The following WDFY4 variants were observed in gnomAD, a reference collection of about 807,000 sequenced individuals.
WDFY4 encodes the protein WDFY family member 4, also known as WD repeat- and FYVE domain-containing protein 4.
Under a neutral mutation model 351.9 loss-of-function variants are expected in WDFY4, and 169 were observed. That is an observed-to-expected ratio of 0.48 (90% CI 0.42 to 0.55). WDFY4 has a LOEUF of 0.55. Ranked by LOEUF, WDFY4 falls within the 20% of genes least tolerant of loss-of-function variation. The pLI is 0.00. For synonymous variants in WDFY4, 1,622 were observed against 1,574.6 expected (o/e 1.03, Z -0.71); for missense variants, 3,803 against 3,935.6 (o/e 0.97, Z 0.90).
chr10:48,893,665 T>C (rs779373211), intron 44 of WDFY4, among the ~76,000 whole-genome samples: 9 of 152,220 alleles, frequency 5.9e-5, no homozygotes, highest in Non-Finnish European at 1.3e-4. Context: ...GTTTACAATC[T>C]AGTGAATGTT....
chr10:48,718,572 C>T (rs138635389), intron 2 of WDFY4, among the ~76,000 whole-genome samples: 54 of 152,306 alleles, frequency 3.5e-4, no homozygotes, highest in Non-Finnish European at 4.9e-4. Context: ...GTGGAGGCCA[C>T]GGATGCCCGG....
chr10:48,942,621 G>A (rs939566528), intron 48 of WDFY4, among the ~76,000 whole-genome samples: 5 of 152,188 alleles, frequency 3.3e-5, no homozygotes, highest in Admixed American at 2.6e-4. Flanking sequence ...GTAGAGATTC[G>A]GGGACAATGA....
intron 53 of WDFY4, among the ~76,000 whole-genome samples, chr10:48,961,074 G>A (rs1156378924): frequency 6.6e-6 from 1 of 152,224 alleles, no homozygotes; most frequent in African/African-American, 2.4e-5. Context: ...TTTATTGTAT[G>A]TAAATTACAC....
intron 47 of WDFY4, among the ~76,000 whole-genome samples, chr10:48,904,697 G>A (rs1274875361): frequency 3.3e-5 from 5 of 151,922 alleles, no homozygotes; most frequent in South Asian, 2.1e-4. Context: ...GCTCTATCCC[G>A]GTAACTTTAG....
chr10:48,850,434 CA>C (rs2068919577), intron 39 of WDFY4, among the ~76,000 whole-genome samples: 1 of 152,094 alleles, frequency 6.6e-6, no homozygotes, highest in Non-Finnish European at 1.5e-5. Context: ...TCTTTTTGTT[CA>C]AATGGTTCCA....
chr10:48,961,676 T>A (rs1195002358), intron 53 of WDFY4, among the ~76,000 whole-genome samples: 1 of 152,112 alleles, frequency 6.6e-6, no homozygotes, highest in Non-Finnish European at 1.5e-5. Context: ...TCACTGAGGA[T>A]GATGGCAGAT....
Position 48,820,226 on chromosome 10 carries a change from T to A in WDFY4, c.5506-8T>A. The A allele has an allele frequency of 6.4e-7, 1 of 1,551,458 alleles. No homozygotes were observed. Among genetic ancestry groups the A allele is most frequent in the Non-Finnish European group, 8.7e-7 (1 of 1,146,926 alleles). On this transcript the variant is annotated splice_region_variant and splice_polypyrimidine_tract_variant and intron_variant, in intron 32 of 61. Coordinates refer to ENST00000325239, the MANE Select transcript of WDFY4 (RefSeq NM_001394531.1). ...GGCCACTCATGTTGGGGTTCTCTTG[T>A]CTTTGAGGGGGTTGGGGCTGAGTCC...
At chr10:48,941,406 C>A (rs778938820) in intron 47 of WDFY4, among the ~76,000 whole-genome samples, 1 of 152,192 alleles carries the variant, frequency 6.6e-6, no homozygotes, top group Non-Finnish European at 1.5e-5. Flanking sequence ...TATCTCATGG[C>A]CTTCCACGTT....
chr10:48,894,426 A>T (rs1836969044), intron 44 of WDFY4, among the ~76,000 whole-genome samples: 1 of 152,162 alleles, frequency 6.6e-6, no homozygotes, highest in Non-Finnish European at 1.5e-5. Context: ...CTGGGTTTGA[A>T]ACCAAGTTTC....
At position 48,759,974 on chromosome 10, in the gene WDFY4, CTGTG is replaced by C. The variant is rs563011825; in HGVS notation, c.2460-358_2460-355del. On this transcript the variant is annotated intron_variant, in intron 12 of 61. Coordinates refer to ENST00000325239, the MANE Select transcript of WDFY4 (RefSeq NM_001394531.1). ...CACCATTTTGAAGGGACCCAGAAGC[CTGTG>C]TGTGTGTGTGTGTGAGTGAGTGTGT... Among the ~76,000 whole-genome samples the C allele has an allele frequency of 6.1e-4, 91 of 149,824 alleles. 1 individual carries two copies. The East Asian group carries it at 9.5e-3, about 16-fold the overall frequency.
chr10:48,771,232 C>T (rs928066131), intron 13 of WDFY4, among the ~76,000 whole-genome samples: 1 of 152,158 alleles, frequency 6.6e-6, no homozygotes. Context: ...ATATGTGCTA[C>T]AAAACTGTGT....
At chr10:48,892,664 TAAAC>T (rs1452469182) in intron 44 of WDFY4, among the ~76,000 whole-genome samples, 1 of 152,196 alleles carries the variant, frequency 6.6e-6, no homozygotes, top group Admixed American at 6.5e-5. Context: ...GATACATAAA[TAAAC>T]TTGTTAAAAA....
Position 48,731,580 on chromosome 10 carries a change from G to A in WDFY4, c.1582+18G>A, listed in dbSNP as rs1175106942. On this transcript the variant is annotated intron_variant, in intron 9 of 61. Coordinates refer to ENST00000325239, the MANE Select transcript of WDFY4 (RefSeq NM_001394531.1). ...GAAGTCAGGTGCCACTGGGTGCATT[G>A]GGAGGGATGGGCAGGGGTCAGTGTC... 3.2e-6 allele frequency: 5 copies of A among 1,543,338 alleles called. No homozygotes were observed. Among genetic ancestry groups the A allele is most frequent in the Non-Finnish European group, 4.4e-6 (5 of 1,144,280 alleles).
intron 1 of WDFY4, among the ~76,000 whole-genome samples, chr10:48,704,567 A>C (rs889920448): frequency 7.9e-5 from 12 of 152,122 alleles, no homozygotes; most frequent in Non-Finnish European, 1.3e-4. Flanking sequence ...GAACCTTTCC[A>C]GGGTAGCAAG....
At chr10:48,753,669 T>C (rs1427969014) in intron 12 of WDFY4, among the ~76,000 whole-genome samples, 5 of 152,222 alleles carry the variant, frequency 3.3e-5, no homozygotes, top group Non-Finnish European at 7.4e-5. Context: ...GGGCCACAGA[T>C]ACATGAGTTT....
At chr10:48,786,012 G>A (rs544934110) in intron 19 of WDFY4, among the ~76,000 whole-genome samples, 7 of 152,230 alleles carry the variant, frequency 4.6e-5, no homozygotes, top group South Asian at 2.1e-4. Context: ...TATATAGGTC[G>A]TCTTGGACTT....
chr10:48,714,953 G>A (rs4838641), intron 2 of WDFY4, among the ~76,000 whole-genome samples: 147,911 of 152,334 alleles, frequency 0.97, 71,950 homozygotes, highest in East Asian at 1. Flanking sequence ...GGGCTAATGG[G>A]ACAAGGCAGA....
At chr10:48,832,785 C>A in intron 39 of WDFY4, 76 bp downstream of exon 39, 1 of 1,417,542 alleles carries the variant, frequency 7.1e-7, no homozygotes, top group Non-Finnish European at 9.3e-7. Flanking sequence ...CTCTTCTTTG[C>A]TGCCTGTTAC....
At position 48,966,746 on chromosome 10, in the gene WDFY4, G is replaced by A. The variant is rs1032540953; in HGVS notation, c.8584+73G>A. ...CCTTCAGTGGCTGGGTTCCTCTGGA[G>A]GTCCAGCACCACATACCTGGGCAAA... On this transcript the variant is annotated intron_variant, in intron 55 of 61. Coordinates refer to ENST00000325239, the MANE Select transcript of WDFY4 (RefSeq NM_001394531.1). The A allele has an allele frequency of 8.7e-6, 13 of 1,502,216 alleles. No homozygotes were observed. In the Admixed American group the frequency reaches 2.7e-4, roughly 31 times the overall value. The allele number at this position is 1,502,216 out of a possible 1,614,324, so 93.1% of individuals were successfully genotyped here. A position where few individuals can be genotyped will look rare whatever the true frequency, so the allele number is the denominator to read the frequency against.
Sources: allele counts gnomAD v4.1 joint callset (sites outside exome capture counted in the v4.1 genomes callset), GRCh38; gene constraint gnomAD v4.1.1; transcripts MANE v1.5; gene names NCBI Gene and HGNC (gene_info 2026-07-23, HGNC 2026-07-21).